PAIP1: variants seen among roughly 807,000 people sequenced by gnomAD.
PAIP1 encodes poly(A) binding protein interacting protein 1.
A neutral mutation model predicts 61.3 loss-of-function variants in PAIP1; 16 were observed. That is an observed-to-expected ratio of 0.26 (90% confidence interval 0.18 to 0.40). The LOEUF is 0.40. Among genes scored for constraint, PAIP1 ranks in the 10% least tolerant of loss-of-function variants. The probability of loss-of-function intolerance (pLI) is 1.00; values close to 1 mark genes in which losing one functional copy is unlikely to be tolerated. For missense variants in PAIP1, 416 were observed against 600.9 expected, an observed-to-expected ratio of 0.69 and a Z score of 3.22; for synonymous variants, 187 against 226.2, an observed-to-expected ratio of 0.83 and a Z score of 1.56.
intron 3 of PAIP1, among the ~76,000 whole-genome samples, chr5:43,544,497 C>T (rs1375353970): frequency 1.3e-5 from 2 of 152,140 alleles, no homozygotes; most frequent in Non-Finnish European, 2.9e-5. Context: ...CAACAGTTTC[C>T]TACTTACATC....
At chr5:43,537,601 T>C (rs544264159) in intron 5 of PAIP1, among the ~76,000 whole-genome samples, 2 of 152,256 alleles carry the variant, frequency 1.3e-5, no homozygotes, top group African/African-American at 4.8e-5. Flanking sequence ...TAGATTCACA[T>C]TGTCTTATGA....
chr5:43,532,936 T>C (rs1314599768), intron 9 of PAIP1, among the ~76,000 whole-genome samples: 1 of 152,220 alleles, frequency 6.6e-6, no homozygotes, highest in African/African-American at 2.4e-5. Context: ...AAATTAAGTT[T>C]AATAAAAAGT....
chr5:43,547,695 C>T (rs1747694571), intron 3 of PAIP1, 33 bp downstream of exon 3: 1 of 1,458,178 alleles, frequency 6.9e-7, no homozygotes, highest in Non-Finnish European at 9.4e-7. Context: ...AGGAAGCTAT[C>T]TGAAGGTCAC....
At chr5:43,548,811 T>TA (rs991900382) in intron 2 of PAIP1, among the ~76,000 whole-genome samples, 3 of 152,148 alleles carry the variant, frequency 2.0e-5, no homozygotes. Flanking sequence ...AAAAGCCACA[T>TA]AAAAAAGTTA....
chr5:43,556,102 T>C, intron 1 of PAIP1, 103 bp from the exon 2 acceptor site: 3 of 1,469,402 alleles, frequency 2.0e-6, no homozygotes, highest in Non-Finnish European at 2.7e-6. Flanking sequence ...TTTTAAGAGT[T>C]AAACAGGAAC....
rs1391714812 is a variant in PAIP1, at chr5:43,556,819, C to T, written c.28G>A (p.Gly10Ser). 4.8e-6 allele frequency: 7 copies of T among 1,453,304 alleles called. No individual in the cohort carries two copies. Among genetic ancestry groups the T allele is most frequent in the Non-Finnish European group, 9.0e-7 (1 of 1,105,406 alleles). The allele number at this position is 1,453,304 out of a possible 1,614,324, so 90.0% of individuals were successfully genotyped here. A position where few individuals can be genotyped will look rare whatever the true frequency, so the allele number is the denominator to read the frequency against. MSDGFDRAP[G>S]AGRGRSRGLG... ...CCCCGGCTCCGGCCCCGACCAGCAC[C>T]TGGGGCCCGATCGAAACCGTCCGAC... Residue 10 changes from glycine (G) to serine (S), a missense_variant, in exon 1 of 11, where the codon GGT (glycine) becomes AGT (serine). Gly to Ser is a moderately conservative substitution (Grantham distance 56). Coordinates refer to ENST00000306846, the MANE Select transcript of PAIP1 (RefSeq NM_006451.5).
intron 5 of PAIP1, among the ~76,000 whole-genome samples, chr5:43,537,547 T>TG (rs201537589): frequency 6.6e-6 from 1 of 152,216 alleles, no homozygotes; most frequent in East Asian, 1.9e-4. Context: ...GGCTCTGGAC[T>TG]GGACATAGAC....
intron 2 of PAIP1, among the ~76,000 whole-genome samples, chr5:43,550,837 CAAAAAAAAAAAA>C: frequency 2.0e-5 from 1 of 49,564 alleles, no homozygotes; most frequent in Admixed American, 3.0e-4. Context: ...AAATATACTA[CAAAAAAAAAAAA>C]AAAAAAAAAA....
chr5:43,555,682 C>T, intron 2 of PAIP1, 148 bp downstream of exon 2: 1 of 585,762 alleles, frequency 1.7e-6, no homozygotes, highest in South Asian at 2.9e-5. Context: ...GCTTTGTTTC[C>T]TTCTGAGTTC....
intron 4 of PAIP1, among the ~76,000 whole-genome samples, chr5:43,540,746 A>T (rs1443113880): frequency 6.6e-6 from 1 of 152,232 alleles, no homozygotes; most frequent in East Asian, 1.9e-4. Context: ...AGTACTACAG[A>T]AGCACATATG....
Position 43,543,471 on chromosome 5 carries a change from CA to C in PAIP1, c.622-356del, listed in dbSNP as rs1161255066. Reference sequence around the variant, plus strand: ...ATGAGAATACTGCCAAACTGTTGACCAGTGGGGCTTCTTGGGGCAGGAAAGC... The same window carrying C: ...ATGAGAATACTGCCAAACTGTTGACCGTGGGGCTTCTTGGGGCAGGAAAGC... On this transcript the variant is annotated intron_variant, in intron 3 of 10. Coordinates refer to ENST00000306846, the MANE Select transcript of PAIP1 (RefSeq NM_006451.5). 2.6e-5 allele frequency among the ~76,000 whole-genome samples: 4 copies of C among 152,198 alleles called. No homozygotes were observed. The East Asian group carries it at 7.7e-4, about 29-fold the overall frequency.
intron 10 of PAIP1, among the ~76,000 whole-genome samples, chr5:43,528,741 TAAAAAAAA>T (rs929190934): frequency 6.7e-6 from 1 of 149,908 alleles, no homozygotes. Flanking sequence ...CAGGAGATAT[TAAAAAAAA>T]AATAAGTTCA....
chr5:43,546,908 T>C (rs1355907967), intron 3 of PAIP1, among the ~76,000 whole-genome samples: 1 of 151,750 alleles, frequency 6.6e-6, no homozygotes, highest in East Asian at 2.0e-4. Flanking sequence ...CTGGGCATGG[T>C]GGTGCACACC....
In PAIP1 at chr5:43,547,716, A is replaced by G. The variant is rs368388422; in HGVS notation, c.621+12T>C. ...CTATCTGAAGGTCACTGCATGCTAT[A>G]AGCCAACATACCTGTTGATAGATGA... On this transcript the variant is annotated intron_variant, in intron 3 of 10. Transcript: ENST00000306846. The G allele has an allele frequency of 1.6e-5, 25 of 1,583,830 alleles. No individual in the cohort carries two copies. The highest frequency in any genetic ancestry group is 2.1e-5 in the Non-Finnish European group (24 of 1,158,936).
intron 2 of PAIP1, among the ~76,000 whole-genome samples, chr5:43,554,607 G>A (rs1210328207): frequency 2.0e-5 from 3 of 152,068 alleles, no homozygotes; most frequent in African/African-American, 7.2e-5. Context: ...AAAAAGGTGT[G>A]TCATTATCAG....
rs559554046 is a variant in PAIP1, at chr5:43,556,564, C to T, written c.265+18G>A. 3 of 1,249,948 alleles carry T rather than the reference C, an allele frequency of 2.4e-6. No homozygotes were observed. Among genetic ancestry groups the T allele is most frequent in the African/African-American group, 1.6e-5 (1 of 64,512 alleles). 77.4% of individuals were successfully genotyped at this position (1,249,948 alleles called of 1,614,324 possible). A position where few individuals can be genotyped will look rare whatever the true frequency, so the allele number is the denominator to read the frequency against. On this transcript the variant is annotated intron_variant, in intron 1 of 10. Coordinates refer to ENST00000306846, the MANE Select transcript of PAIP1 (RefSeq NM_006451.5). Reference sequence around the variant, plus strand: ...GCGTTCGCCAAGGAGGACTGGGGCCCTTAGAGCTGCTCCGTACCTGGGAGC... The same window carrying T: ...GCGTTCGCCAAGGAGGACTGGGGCCTTTAGAGCTGCTCCGTACCTGGGAGC...
intron 9 of PAIP1, 137 bp from the exon 10 acceptor site, chr5:43,530,016 A>G: frequency 1.7e-6 from 1 of 605,742 alleles, no homozygotes; most frequent in Non-Finnish European, 2.9e-6. Flanking sequence ...TACATATAGT[A>G]CTATAGATAT....
intron 8 of PAIP1, 96 bp from the exon 9 acceptor site, chr5:43,533,888 C>A: frequency 1.3e-6 from 1 of 777,260 alleles, no homozygotes; most frequent in Admixed American, 1.9e-5. Flanking sequence ...CCGTCTGCAC[C>A]TAATAATGCA....
chr5:43,548,356 C>G (rs1204270642), intron 2 of PAIP1, among the ~76,000 whole-genome samples: 2 of 151,664 alleles, frequency 1.3e-5, no homozygotes, highest in Non-Finnish European at 2.9e-5. Flanking sequence ...TTATACCATT[C>G]TCTGTATTTC....
Sources: gnomAD v4.1 joint callset for allele counts (sites outside exome capture counted in the v4.1 genomes callset) on GRCh38, gnomAD v4.1.1 for gene constraint, MANE v1.5 for transcripts, NCBI Gene and HGNC (gene_info 2026-07-23, HGNC 2026-07-21) for gene names.